The following PTN variants were observed in gnomAD, a reference collection of about 807,000 sequenced individuals.
PTN encodes heparin affin regulatory protein.
PTN carries 18 observed loss-of-function variants against 24.1 expected under a neutral mutation model. That is an observed-to-expected ratio of 0.75 (90% confidence interval 0.52 to 1.11). PTN has a LOEUF of 1.11. PTN is among the 50% of genes least tolerant of loss of function. The pLI, the probability that PTN is intolerant of heterozygous loss-of-function variation, is 0.00. For synonymous variants in PTN, 78 were observed against 68.6 expected (o/e 1.14, Z -0.67); for missense variants, 163 against 198.8 (o/e 0.82, Z 1.08).
intron 1 of PTN, among the ~76,000 whole-genome samples, chr7:137,300,281 G>C (rs1809785990): frequency 6.6e-6 from 1 of 151,924 alleles, no homozygotes; most frequent in Non-Finnish European, 1.5e-5. Context: ...AATTTGAGAA[G>C]CATAAAAATT....
intron 1 of PTN, among the ~76,000 whole-genome samples, chr7:137,305,085 A>C (rs1585037196): frequency 6.6e-6 from 1 of 152,012 alleles, no homozygotes; most frequent in Admixed American, 6.6e-5. Flanking sequence ...CTCACGTTCA[A>C]CCGACTTGGT....
intron 1 of PTN, among the ~76,000 whole-genome samples, chr7:137,294,223 T>C (rs1399902501): frequency 2.0e-5 from 3 of 152,110 alleles, no homozygotes; most frequent in African/African-American, 7.2e-5. Context: ...AGTTCTTCAT[T>C]CTAGCCATAG....
intron 1 of PTN, among the ~76,000 whole-genome samples, chr7:137,315,612 A>G (rs903327997): frequency 2.0e-5 from 3 of 152,210 alleles, no homozygotes; most frequent in Admixed American, 1.3e-4. Context: ...ATCTAGCCGG[A>G]TTCGAACACC....
rs932117178 is a variant in PTN at position 137,298,477 on chromosome 7, A to C, written c.-1-43503T>G. Among the ~76,000 whole-genome samples the C allele has an allele frequency of 3.3e-5, 5 of 151,780 alleles. No homozygotes were observed. In the South Asian group the frequency reaches 1.0e-3, roughly 31 times the overall value. ...CATAAAAATAACTAAAGCATTATAA[A>C]CCTCTTATAATTCATGTCAAAAAAT... On this transcript the variant is annotated intron_variant, in intron 1 of 4. Coordinates refer to ENST00000348225, the MANE Select transcript of PTN (RefSeq NM_002825.7).
chr7:137,304,427 A>G (rs569858499), intron 1 of PTN, among the ~76,000 whole-genome samples: 1 of 151,976 alleles, frequency 6.6e-6, no homozygotes, highest in Admixed American at 6.6e-5. Context: ...ATAGCTATTC[A>G]TAGACCACCC....
At chr7:137,338,724 T>C (rs1338966658) in intron 1 of PTN, among the ~76,000 whole-genome samples, 12 of 152,222 alleles carry the variant, frequency 7.9e-5, no homozygotes. Flanking sequence ...TGTCAGTCAC[T>C]ATGCGTAAAA....
chr7:137,254,996 G>A (rs992636462), intron 1 of PTN, 22 bp from the exon 2 acceptor site: 1 of 1,485,908 alleles, frequency 6.7e-7, no homozygotes, highest in African/African-American at 1.4e-5. Context: ...CAGAGAAAGA[G>A]AAGAAGGTGG....
At chr7:137,333,516 T>TCCC in intron 1 of PTN, among the ~76,000 whole-genome samples, 1 of 152,146 alleles carries the variant, frequency 6.6e-6, no homozygotes, top group Non-Finnish European at 1.5e-5. Context: ...TTCAAGGAAG[T>TCCC]CACAAAGATG....
intron 1 of PTN, among the ~76,000 whole-genome samples, chr7:137,277,151 A>C (rs1809373995): frequency 6.6e-6 from 1 of 152,240 alleles, no homozygotes. Context: ...TTTATCAAAG[A>C]AGACACACAG....
intron 1 of PTN, among the ~76,000 whole-genome samples, chr7:137,274,219 G>C (rs1052079795): frequency 6.6e-6 from 1 of 152,130 alleles, no homozygotes; most frequent in African/African-American, 2.4e-5. Context: ...TACCCCAGCT[G>C]TGCCTAGAGC....
At chr7:137,278,971 A>ATAATAG in intron 1 of PTN, among the ~76,000 whole-genome samples, 1 of 147,062 alleles carries the variant, frequency 6.8e-6, no homozygotes, top group African/African-American at 2.5e-5. Context: ...AATAATAATA[A>ATAATAG]TAATAATAAT....
intron 1 of PTN, among the ~76,000 whole-genome samples, chr7:137,296,367 T>C (rs1809718464): frequency 6.6e-6 from 1 of 151,808 alleles, no homozygotes; most frequent in South Asian, 2.1e-4. Context: ...AAAATTCAAG[T>C]AGACATATTA....
At chr7:137,232,480 G>A (rs1023876169) in intron 4 of PTN, among the ~76,000 whole-genome samples, 6 of 151,856 alleles carry the variant, frequency 4.0e-5, no homozygotes, top group African/African-American at 1.2e-4. Flanking sequence ...CAAATACATT[G>A]TTTTAAGATA....
At chr7:137,247,264 G>A (rs967420882) in intron 4 of PTN, among the ~76,000 whole-genome samples, 10 of 152,286 alleles carry the variant, frequency 6.6e-5, no homozygotes, top group African/African-American at 1.7e-4. Flanking sequence ...TGGAAGCAAC[G>A]TAAGTGGCCA....
In PTN at chr7:137,267,440, G is replaced by A. The variant is rs118148041; in HGVS notation, c.-1-12466C>T. Among the ~76,000 whole-genome samples, 1,199 of 152,100 alleles carry A rather than the reference G, an allele frequency of 7.9e-3. 4 individuals carry two copies. The highest frequency in any genetic ancestry group is 0.015 in the East Asian group (80 of 5,162). On this transcript the variant is annotated intron_variant, in intron 1 of 4. Transcript: ENST00000348225. ...AAACCAGCTGTAACTGTCTATGTACGGAAACTGGTCTGCGTGCCTTGGCTT... is the reference window on the plus strand; with the variant it reads ...AAACCAGCTGTAACTGTCTATGTACAGAAACTGGTCTGCGTGCCTTGGCTT...
intron 4 of PTN, among the ~76,000 whole-genome samples, chr7:137,236,729 C>T (rs1808528456): frequency 6.6e-6 from 1 of 152,032 alleles, no homozygotes; most frequent in Admixed American, 6.6e-5. Context: ...GAGCTTATTT[C>T]TGCAATAATG....
chr7:137,268,266 T>C (rs1809198501), intron 1 of PTN, among the ~76,000 whole-genome samples: 1 of 152,106 alleles, frequency 6.6e-6, no homozygotes, highest in Admixed American at 6.5e-5. Context: ...CCCGCAGGGA[T>C]GTTCCACAGG....
chr7:137,266,711 G>A (rs554552558), intron 1 of PTN, among the ~76,000 whole-genome samples: 2 of 150,374 alleles, frequency 1.3e-5, no homozygotes, highest in South Asian at 4.2e-4. Context: ...CTAGATGAAG[G>A]CCACAAGATT....
chr7:137,230,008 C>A (rs1049575433), intron 4 of PTN, among the ~76,000 whole-genome samples: 1 of 151,758 alleles, frequency 6.6e-6, no homozygotes, highest in African/African-American at 2.4e-5. Context: ...CATGTCCCTT[C>A]CTGGAAAACC....
Sources: gnomAD v4.1 joint callset for allele counts (sites outside exome capture counted in the v4.1 genomes callset) on GRCh38, gnomAD v4.1.1 for gene constraint, MANE v1.5 for transcripts, NCBI Gene and HGNC (gene_info 2026-07-23, HGNC 2026-07-21) for gene names.